SPIDR: variants seen among roughly 807,000 people sequenced by gnomAD.
SPIDR encodes scaffold protein involved in DNA repair.
In SPIDR, 93 loss-of-function variants were observed where a neutral mutation model predicts 104.6. The ratio of observed to expected loss-of-function variants is 0.89; its 90% confidence interval spans 0.75 to 1.06. The LOEUF is 1.06. Ranked by LOEUF, SPIDR falls within the 50% of genes least tolerant of loss-of-function variation. The pLI, the probability that SPIDR is intolerant of heterozygous loss-of-function variation, is 0.00. For missense variants in SPIDR, 1,154 were observed against 1,111.2 expected (o/e 1.04, Z -0.55); for synonymous variants, 431 against 416.9 (o/e 1.03, Z -0.41).
chr8:47,549,120 A>G (rs568519612), intron 8 of SPIDR, among the ~76,000 whole-genome samples: 2 of 152,222 alleles, frequency 1.3e-5, no homozygotes, highest in Non-Finnish European at 2.9e-5. Context: ...TTATGGCTGC[A>G]TAGTATTCCA....
intron 8 of SPIDR, among the ~76,000 whole-genome samples, chr8:47,589,542 T>A (rs1221858641): frequency 6.6e-6 from 1 of 151,488 alleles, no homozygotes; most frequent in Non-Finnish European, 1.5e-5. Context: ...AAAAAAAAAA[T>A]TACATATTTA....
intron 5 of SPIDR, among the ~76,000 whole-genome samples, chr8:47,359,252 C>CAAAAAAAAA (rs11372277): frequency 1.7e-5 from 2 of 114,960 alleles, no homozygotes; most frequent in African/African-American, 7.7e-5. Flanking sequence ...GACTCCGTCT[C>CAAAAAAAAA]AAAAAAAAAA....
chr8:47,659,420 TTTCTG>T (rs1306899643), intron 10 of SPIDR, among the ~76,000 whole-genome samples: 1 of 152,232 alleles, frequency 6.6e-6, no homozygotes, highest in African/African-American at 2.4e-5. Context: ...ATAAAAAACA[TTTCTG>T]TGCAGTAGAA....
chr8:47,601,467 G>A (rs914873407), intron 10 of SPIDR, among the ~76,000 whole-genome samples: 23 of 152,284 alleles, frequency 1.5e-4, no homozygotes, highest in African/African-American at 2.9e-4. Context: ...AGGCCGAGGC[G>A]GGCGGATCTC....
At chr8:47,688,709 A>T (rs1279362748) in intron 11 of SPIDR, among the ~76,000 whole-genome samples, 1 of 152,230 alleles carries the variant, frequency 6.6e-6, no homozygotes, top group Non-Finnish European at 1.5e-5. Context: ...AGGTGTGCAC[A>T]TCGTGGGGGT....
chr8:47,675,418 A>G (rs1223067062), intron 11 of SPIDR, among the ~76,000 whole-genome samples: 1 of 152,220 alleles, frequency 6.6e-6, no homozygotes, highest in Non-Finnish European at 1.5e-5. Flanking sequence ...TATTTGGGGA[A>G]TGCAGTTCAT....
At chr8:47,295,308 C>T (rs2040645039) in intron 5 of SPIDR, among the ~76,000 whole-genome samples, 1 of 151,914 alleles carries the variant, frequency 6.6e-6, no homozygotes, top group Non-Finnish European at 1.5e-5. Context: ...TTGTATTTTT[C>T]TGCTTTTTTG....
intron 5 of SPIDR, among the ~76,000 whole-genome samples, chr8:47,341,509 A>G: frequency 6.6e-6 from 1 of 152,234 alleles, no homozygotes; most frequent in Non-Finnish European, 1.5e-5. Context: ...TAGTAATAAT[A>G]GGTTAGTAAA....
At chr8:47,493,042 AGTGTGTGTGTGTGTGT>A (rs60518877) in intron 8 of SPIDR, among the ~76,000 whole-genome samples, 1 of 140,520 alleles carries the variant, frequency 7.1e-6, no homozygotes, top group South Asian at 2.4e-4. Context: ...AGAGAGAGTG[AGTGTGTGTGTGTGTGT>A]GTGTGTGTGT....
At chr8:47,563,674 A>G (rs898493308) in intron 8 of SPIDR, among the ~76,000 whole-genome samples, 1 of 152,226 alleles carries the variant, frequency 6.6e-6, no homozygotes, top group Non-Finnish European at 1.5e-5. Flanking sequence ...GATCGTTGGC[A>G]TGCTATCAGC....
intron 6 of SPIDR, among the ~76,000 whole-genome samples, chr8:47,407,361 G>A (rs1271564702): frequency 6.6e-6 from 1 of 152,106 alleles, no homozygotes; most frequent in Non-Finnish European, 1.5e-5. Flanking sequence ...ATCAACAGTT[G>A]GCAAAGTTAT....
chr8:47,465,896 C>T (rs2074691813), intron 8 of SPIDR, among the ~76,000 whole-genome samples: 1 of 152,092 alleles, frequency 6.6e-6, no homozygotes, highest in African/African-American at 2.4e-5. Context: ...GACAAAATGA[C>T]TAAACCGACG....
At chr8:47,725,276 A>T (rs940481522) in intron 16 of SPIDR, among the ~76,000 whole-genome samples, 3 of 152,246 alleles carry the variant, frequency 2.0e-5, no homozygotes, top group Admixed American at 2.0e-4. Context: ...TGCACATAAG[A>T]CAAGCAAACT....
At chr8:47,664,330 A>G (rs1166588090) in intron 10 of SPIDR, among the ~76,000 whole-genome samples, 1 of 152,134 alleles carries the variant, frequency 6.6e-6, no homozygotes, top group African/African-American at 2.4e-5. Flanking sequence ...GGCAATAGAA[A>G]CTGCATTTGG....
chr8:47,273,366 A>G (rs2154216064), intron 1 of SPIDR, among the ~76,000 whole-genome samples: 1 of 152,368 alleles, frequency 6.6e-6, no homozygotes, highest in East Asian at 1.9e-4. Flanking sequence ...GAACAGCCAG[A>G]TGAAGAGATG....
chr8:47,385,582 C>G (rs1554647688), intron 5 of SPIDR, among the ~76,000 whole-genome samples: 1 of 152,206 alleles, frequency 6.6e-6, no homozygotes, highest in Non-Finnish European at 1.5e-5. Flanking sequence ...GGAATTCACT[C>G]TTTCTGTCAG....
chr8:47,447,449 G>A (rs2070871341), intron 8 of SPIDR, among the ~76,000 whole-genome samples: 1 of 152,022 alleles, frequency 6.6e-6, no homozygotes, highest in African/African-American at 2.4e-5. Flanking sequence ...CCTGACCTCA[G>A]GTAATCCGCC....
At chr8:47,409,997 C>G (rs889180580) in intron 7 of SPIDR, among the ~76,000 whole-genome samples, 2 of 152,116 alleles carry the variant, frequency 1.3e-5, no homozygotes, top group African/African-American at 4.8e-5. Flanking sequence ...CTCTGCACAC[C>G]AGCCTGTGTG....
At chr8:47,319,335 A>G (rs202028031) in intron 5 of SPIDR, among the ~76,000 whole-genome samples, 5 of 152,196 alleles carry the variant, frequency 3.3e-5, no homozygotes, top group South Asian at 2.1e-4. Flanking sequence ...ACAAAGATCA[A>G]AAGAGACAAA....
Sources: allele counts gnomAD v4.1 joint callset (sites outside exome capture counted in the v4.1 genomes callset), GRCh38; gene constraint gnomAD v4.1.1; transcripts MANE v1.5; gene names NCBI Gene and HGNC (gene_info 2026-07-23, HGNC 2026-07-21).